CMIP: variants seen among roughly 807,000 people sequenced by gnomAD.
CMIP encodes c-Maf inducing protein.
Under a neutral mutation model 97.3 loss-of-function variants are expected in CMIP, and 13 were observed. The ratio of observed to expected loss-of-function variants is 0.13; its 90% CI spans 0.09 to 0.21. CMIP has a LOEUF of 0.21. Ranked by LOEUF, CMIP falls within the 10% of genes least tolerant of loss-of-function variation. The pLI is 1.00. For missense variants in CMIP, 847 were observed against 1,024.9 expected, an observed-to-expected ratio of 0.83 and a Z score of 2.37; for synonymous variants, 538 against 436.3, an observed-to-expected ratio of 1.23 and a Z score of -2.91.
intron 1 of CMIP, among the ~76,000 whole-genome samples, chr16:81,596,237 G>C (rs1309977259): frequency 6.6e-6 from 1 of 152,092 alleles, no homozygotes; most frequent in Non-Finnish European, 1.5e-5. Flanking sequence ...CAGGCATGGT[G>C]GCTCACGCCT....
chr16:81,570,372 G>T (rs888557374), intron 1 of CMIP, among the ~76,000 whole-genome samples: 1 of 152,152 alleles, frequency 6.6e-6, no homozygotes, highest in African/African-American at 2.4e-5. Context: ...AGTGCTGTGC[G>T]GGGGAAGCAC....
At chr16:81,567,369 G>A (rs1006210314) in intron 1 of CMIP, among the ~76,000 whole-genome samples, 7 of 152,236 alleles carry the variant, frequency 4.6e-5, no homozygotes, top group African/African-American at 1.2e-4. Flanking sequence ...TGTGGCATCC[G>A]TGGCAGGTGT....
At chr16:81,555,905 C>T (rs748953897) in intron 1 of CMIP, among the ~76,000 whole-genome samples, 76 of 152,148 alleles carry the variant, frequency 5.0e-4, no homozygotes, top group Non-Finnish European at 8.8e-4. Context: ...TAATACCCAC[C>T]CCTGGGAGAG....
intron 7 of CMIP, chr16:81,664,563 T>G: frequency 3.5e-6 from 2 of 578,720 alleles, no homozygotes; most frequent in Non-Finnish European, 3.1e-6. Flanking sequence ...TTGCAGTTCC[T>G]AAGAATTACA....
chr16:81,541,697 C>A (rs1262344192), intron 1 of CMIP, among the ~76,000 whole-genome samples: 1 of 152,156 alleles, frequency 6.6e-6, no homozygotes, highest in East Asian at 1.9e-4. Context: ...TACAAAACAA[C>A]CGATGTTGTG....
Position 81,620,869 on chromosome 16 carries a change from G to A in CMIP, c.427-7G>A, listed in dbSNP as rs780883227. On this transcript the variant is annotated splice_polypyrimidine_tract_variant and splice_region_variant and intron_variant, in intron 2 of 20. Transcript: ENST00000537098. ...CGGACCTTGCTGTCCTGTTCTTGTC[G>A]TTACAGGCTGCCAATAGCTACCTGC... 53 of 1,613,786 alleles carry A rather than the reference G, an allele frequency of 3.3e-5. No individual in the cohort carries two copies. Among genetic ancestry groups the A allele is most frequent in the East Asian group, 2.7e-4 (12 of 44,890 alleles).
intron 13 of CMIP, among the ~76,000 whole-genome samples, chr16:81,694,691 T>C (rs557968787): frequency 6.6e-6 from 1 of 152,318 alleles, no homozygotes; most frequent in South Asian, 2.1e-4. Flanking sequence ...TCACGGGGCC[T>C]GGGTGGAGCC....
chr16:81,602,510 A>G (rs1430313185), intron 1 of CMIP, among the ~76,000 whole-genome samples: 1 of 152,214 alleles, frequency 6.6e-6, no homozygotes, highest in Non-Finnish European at 1.5e-5. Flanking sequence ...TGACAAATGT[A>G]TACAGCCAAG....
chr16:81,513,004 T>C (rs2089842907), intron 1 of CMIP, among the ~76,000 whole-genome samples: 1 of 152,264 alleles, frequency 6.6e-6, no homozygotes, highest in African/African-American at 2.4e-5. Context: ...CCCAAAGTGC[T>C]GGGATTACAG....
At position 81,459,422 on chromosome 16, in the gene CMIP, A is replaced by G. The variant is rs148910337; in HGVS notation, c.300+13881A>G. Among the ~76,000 whole-genome samples, 5 of 152,174 alleles carry G rather than the reference A, an allele frequency of 3.3e-5. No homozygotes were observed. In the East Asian group the frequency reaches 9.7e-4, roughly 29 times the overall value. On this transcript the variant is annotated intron_variant, in intron 1 of 20. Coordinates refer to ENST00000537098, the MANE Select transcript of CMIP (RefSeq NM_198390.3). ...ACCTCGCTCCGTGACCTCAGGCACC[A>G]TTATTTGGAATGGGCTCTCAGCCCC...
At chr16:81,482,796 G>C (rs766401976) in intron 1 of CMIP, among the ~76,000 whole-genome samples, 1 of 152,250 alleles carries the variant, frequency 6.6e-6, no homozygotes, top group Admixed American at 6.5e-5. Context: ...CACATCCTAA[G>C]CTGAGCCCGT....
At chr16:81,643,885 A>G (rs2092334207) in intron 3 of CMIP, among the ~76,000 whole-genome samples, 1 of 152,182 alleles carries the variant, frequency 6.6e-6, no homozygotes, top group Middle Eastern at 3.2e-3. Flanking sequence ...GTATATAGTG[A>G]TGGCAGCCCC....
chr16:81,571,202 G>A (rs982422712), intron 1 of CMIP, among the ~76,000 whole-genome samples: 2 of 152,120 alleles, frequency 1.3e-5, no homozygotes, highest in African/African-American at 4.8e-5. Context: ...CGGGTGCAGT[G>A]ACTCATGCCT....
rs116540199 is a variant in CMIP at position 81,468,379 on chromosome 16, C to T, written c.300+22838C>T. Among the ~76,000 whole-genome samples the T allele has an allele frequency of 7.3e-3, 1,106 of 152,366 alleles. 13 individuals carry two copies. The highest frequency in any genetic ancestry group is 0.025 in the African/African-American group (1,045 of 41,596). ...GGCCGGGGCTGGAATTCCAGCTCTG[C>T]GGCCCCATCTGCATGAGTGTCCCTC... is the stretch of plus-strand genomic sequence containing the variant. On this transcript the variant is annotated intron_variant, in intron 1 of 20. Coordinates refer to ENST00000537098, the MANE Select transcript of CMIP (RefSeq NM_198390.3).
At position 81,445,371 on chromosome 16, in the gene CMIP, C is replaced by A. The variant is rs374257636; in HGVS notation, c.130C>A (p.Leu44Ile). Reference sequence around the variant, plus strand: ...GGGCGCCGTGCCCTGCCGCCGGGCTCTTCTGCTTTGCAACGGGATGAGGTA... The same window carrying A: ...GGGCGCCGTGCCCTGCCGCCGGGCTATTCTGCTTTGCAACGGGATGAGGTA... Reference protein sequence around the residue: ...KMGAVPCRRALLLCNGMRYKL... With the variant: ...KMGAVPCRRAILLCNGMRYKL... Residue 44 changes from leucine (L) to isoleucine (I), a missense_variant, in exon 1 of 21, where the codon CTT becomes ATT. By Grantham distance (5) the Leu-to-Ile change is conservative (BLOSUM62 2). This residue lies in a region of CMIP where 94 missense variants were observed against 79.9 expected (regional missense o/e 1.18). Coordinates refer to ENST00000537098, the MANE Select transcript of CMIP (RefSeq NM_198390.3). The A allele has an allele frequency of 4.5e-5, 73 of 1,605,134 alleles. No homozygotes were observed. The highest frequency in any genetic ancestry group is 5.8e-5 in the Non-Finnish European group (68 of 1,176,216).
chr16:81,563,504 G>C (rs1045266835), intron 1 of CMIP, among the ~76,000 whole-genome samples: 21 of 152,310 alleles, frequency 1.4e-4, no homozygotes, highest in Admixed American at 3.9e-4. Flanking sequence ...TAGAGATGCA[G>C]CATCTGGGGC....
At chr16:81,587,501 C>A (rs537981665) in intron 1 of CMIP, among the ~76,000 whole-genome samples, 1 of 152,358 alleles carries the variant, frequency 6.6e-6, no homozygotes. Flanking sequence ...CCAGCTGCTG[C>A]ACAGATTGCG....
At chr16:81,660,825 C>T (rs1250052573) in intron 5 of CMIP, 59 bp from the exon 6 acceptor site, 11 of 1,588,188 alleles carry the variant, frequency 6.9e-6, no homozygotes, top group Admixed American at 1.7e-5. Flanking sequence ...GGAGATTGTT[C>T]GAAGTCTTTC....
At position 81,711,618 on chromosome 16, in the gene CMIP, GAAAA is replaced by G. The variant is rs11307650; in HGVS notation, c.*1828_*1831del. Reference sequence around the variant, plus strand: ...AATAAAAATAAAAAAAATAAAAAAGGAAAAAAAAAAAAGAAGAAACAAGACATGC... The same window carrying G: ...AATAAAAATAAAAAAAATAAAAAAGGAAAAAAAAGAAGAAACAAGACATGC... On this transcript the variant is annotated 3_prime_UTR_variant, in exon 21 of 21. Coordinates refer to ENST00000537098, the MANE Select transcript of CMIP (RefSeq NM_198390.3). 1 of 145,296 alleles carries G rather than the reference GAAAA, an allele frequency of 6.9e-6. No individual in the cohort carries two copies. Among genetic ancestry groups the G allele is most frequent in the Non-Finnish European group, 1.5e-5 (1 of 66,102 alleles). 9.0% of individuals were successfully genotyped at this position (145,296 alleles called of 1,614,324 possible).
Sources: gnomAD v4.1 joint callset for allele counts (sites outside exome capture counted in the v4.1 genomes callset) on GRCh38, gnomAD v4.1.1 for gene constraint, gnomAD v4.1.1 regional missense constraint, MANE v1.5 for transcripts, NCBI Gene and HGNC (gene_info 2026-07-23, HGNC 2026-07-21) for gene names.